The following OR1J2 variants were observed in gnomAD, a reference collection of about 807,000 sequenced individuals.
OR1J2 encodes the protein olfactory receptor 1J2.
For missense variants in OR1J2, 304 were observed against 246.1 expected, an observed-to-expected ratio of 1.24 and a Z score of -1.57; for synonymous variants, 142 against 99.7, an observed-to-expected ratio of 1.42 and a Z score of -2.52.
downstream of OR1J2, among the ~76,000 whole-genome samples, chr9:122,514,255 G>GC (rs1828672355): frequency 6.6e-6 from 1 of 152,154 alleles, no homozygotes; most frequent in African/African-American, 2.4e-5. Context: ...CAGATAGTGA[G>GC]CGTAGTACCC....
At chr9:122,567,390 T>A in the OR1J2 span, 28 of 535,440 alleles carry the variant, frequency 5.2e-5, no homozygotes, top group South Asian at 8.8e-4. Flanking sequence ...GGCCGAATTG[T>A]TGGGTCATCA....
the OR1J2 span, among the ~76,000 whole-genome samples, chr9:122,492,412 G>T: frequency 6.6e-6 from 1 of 152,074 alleles, no homozygotes; most frequent in Admixed American, 6.6e-5. Context: ...ATGAATACCT[G>T]GGTTGGTTCC....
chr9:122,493,244 T>A, the OR1J2 span, among the ~76,000 whole-genome samples: 1 of 152,198 alleles, frequency 6.6e-6, no homozygotes, highest in Non-Finnish European at 1.5e-5. Flanking sequence ...ATTCCCCCTT[T>A]CTCTATTTTT....
upstream of OR1J2, among the ~76,000 whole-genome samples, chr9:122,510,300 C>T (rs1828608114): frequency 6.6e-6 from 1 of 152,154 alleles, no homozygotes; most frequent in South Asian, 2.1e-4. Flanking sequence ...GGAGCAGTAA[C>T]TTGGCTGAAA....
the OR1J2 span, among the ~76,000 whole-genome samples, chr9:122,573,953 C>T: frequency 6.6e-6 from 1 of 152,076 alleles, no homozygotes; most frequent in Non-Finnish European, 1.5e-5. Context: ...GGTATGTGGA[C>T]GTCCAGATAA....
upstream of OR1J2, among the ~76,000 whole-genome samples, chr9:122,509,485 A>G (rs1828591436): frequency 6.6e-6 from 1 of 152,244 alleles, no homozygotes; most frequent in Admixed American, 6.5e-5. Flanking sequence ...CTTTGTGTTG[A>G]CAGTAAACAA....
At chr9:122,549,849 T>C in the OR1J2 span, among the ~76,000 whole-genome samples, 1 of 152,168 alleles carries the variant, frequency 6.6e-6, no homozygotes, top group Middle Eastern at 3.2e-3. Flanking sequence ...TTTGTGATCT[T>C]TTTTGGTTCC....
the OR1J2 span, among the ~76,000 whole-genome samples, chr9:122,537,739 T>G: frequency 2.3e-4 from 35 of 152,124 alleles, no homozygotes. Flanking sequence ...GCATCTGAAA[T>G]TCTTGGAATC....
the OR1J2 span, among the ~76,000 whole-genome samples, chr9:122,484,875 A>C: frequency 7.2e-6 from 1 of 138,270 alleles, no homozygotes; most frequent in African/African-American, 2.9e-5. Context: ...TCTACCAAAA[A>C]TACAAAAAAT....
the OR1J2 span, among the ~76,000 whole-genome samples, chr9:122,467,528 A>G: frequency 6.6e-5 from 10 of 152,296 alleles, no homozygotes; most frequent in East Asian, 1.7e-3. Flanking sequence ...TTAGTGCTGA[A>G]TCAAATACCT....
chr9:122,465,162 A>G, the OR1J2 span, among the ~76,000 whole-genome samples: 1 of 152,200 alleles, frequency 6.6e-6, no homozygotes, highest in East Asian at 1.9e-4. Flanking sequence ...GTGCACAAAC[A>G]GCCAAATTAC....
the OR1J2 span, among the ~76,000 whole-genome samples, chr9:122,500,560 A>C: frequency 1.3e-5 from 2 of 152,206 alleles, no homozygotes; most frequent in East Asian, 3.8e-4. Context: ...TAGGTAAAGG[A>C]ATTTCCGATT....
chr9:122,563,181 G>GTT, the OR1J2 span, among the ~76,000 whole-genome samples: 1,370 of 90,210 alleles, frequency 0.015, 17 homozygotes, highest in African/African-American at 0.054. Context: ...ACTAGCATTT[G>GTT]TTATTTTTTT....
At position 122,511,320 on chromosome 9, in the gene OR1J2, C is replaced by T; in HGVS notation, c.519C>T (p.Thr173=). 1 of 728,546 alleles carries T rather than the reference C, an allele frequency of 1.4e-6. No homozygotes were observed. Among genetic ancestry groups the T allele is most frequent in the Non-Finnish European group, 2.5e-6 (1 of 394,052 alleles). The allele number at this position is 728,546 out of a possible 1,614,324, so 45.1% of individuals were successfully genotyped here. A position where few individuals can be genotyped will look rare whatever the true frequency, so the allele number is the denominator to read the frequency against. The change falls in exon 1 of 1, where the codon ACC becomes ACT. Residue 173 remains threonine (T), a synonymous_variant. Coordinates refer to ENST00000335302, the MANE Select transcript of OR1J2 (RefSeq NM_054107.1). ...GGCTGTCTTTCTGTGCTGCGAACAC[C>T]ATCCCCCATGTCTTCTGTGACCTTG... ...LTRLSFCAAN[T]IPHVFCDLAA...
At chr9:122,500,802 A>C in the OR1J2 span, among the ~76,000 whole-genome samples, 1 of 152,194 alleles carries the variant, frequency 6.6e-6, no homozygotes, top group South Asian at 2.1e-4. Flanking sequence ...ATAGGCTTTG[A>C]CTTTTGAAAG....
chr9:122,542,324 G>A, the OR1J2 span, among the ~76,000 whole-genome samples: 5 of 152,066 alleles, frequency 3.3e-5, no homozygotes, highest in Non-Finnish European at 5.9e-5. Context: ...GGGACATTTC[G>A]CTTAGAGTGT....
chr9:122,451,152 CATT>C, the OR1J2 span, among the ~76,000 whole-genome samples: 24,105 of 137,402 alleles, frequency 0.18, 2,172 homozygotes, highest in African/African-American at 0.22. Context: ...CTATCACCTG[CATT>C]ATTATTATTA....
chr9:122,513,763 A>G (rs1276532951), downstream of OR1J2, among the ~76,000 whole-genome samples: 5 of 151,462 alleles, frequency 3.3e-5, no homozygotes, highest in African/African-American at 1.2e-4. Flanking sequence ...TCATCATTCA[A>G]CTCCCACTTA....
At chr9:122,542,862 A>G in the OR1J2 span, among the ~76,000 whole-genome samples, 6 of 152,194 alleles carry the variant, frequency 3.9e-5, no homozygotes, top group African/African-American at 1.2e-4. Context: ...AATTAATAGA[A>G]TCTTACAGTA....
Sources: gnomAD v4.1 joint callset for allele counts (sites outside exome capture counted in the v4.1 genomes callset) on GRCh38, gnomAD v4.1.1 for gene constraint, MANE v1.5 for transcripts, NCBI Gene and HGNC (gene_info 2026-07-23, HGNC 2026-07-21) for gene names.